Variants in TFB1M observed in about 807,000 individuals in gnomAD.
TFB1M encodes dimethyladenosine transferase 1, mitochondrial.
A neutral mutation model predicts 31.1 loss-of-function variants in TFB1M; 27 were observed. The ratio of observed to expected loss-of-function variants is 0.87; its 90% CI spans 0.64 to 1.20. The LOEUF (loss-of-function observed/expected upper bound fraction) is 1.20. TFB1M is among the 50% of genes most tolerant of loss of function. The pLI is 0.00. For missense variants in TFB1M, 394 were observed against 418.7 expected (o/e 0.94, Z 0.51); for synonymous variants, 166 against 151.8 (o/e 1.09, Z -0.69).
At chr6:155,240,820 G>T in the TFB1M span, 13 of 1,114,264 alleles carry the variant, frequency 1.2e-5, no homozygotes, top group African/African-American at 1.6e-4. Flanking sequence ...ACTCCCCAGG[G>T]GGGGACACCT....
At chr6:155,243,917 G>A in the TFB1M span, 1 of 784,854 alleles carries the variant, frequency 1.3e-6, no homozygotes, top group Non-Finnish European at 2.2e-6. Context: ...CCTGATGGGA[G>A]CCTTGGGAGC....
At position 155,257,761 on chromosome 6, in the gene TFB1M, CAA is replaced by C. The variant is rs1196586110; in HGVS notation, c.*73_*74del. ...CATTTGTATCGTCATTCTGTAAAGA[CAA>C]AAGAGTACCTATATAAGAAGCTCCA... On this transcript the variant is annotated 3_prime_UTR_variant, in exon 7 of 7. Coordinates refer to ENST00000367166, the MANE Select transcript of TFB1M (RefSeq NM_016020.4). The C allele has an allele frequency of 1.9e-6, 3 of 1,575,400 alleles. No individual in the cohort carries two copies. Among genetic ancestry groups the C allele is most frequent in the East Asian group, 2.2e-5 (1 of 44,666 alleles).
chr6:155,231,748 C>T, the TFB1M span, among the ~76,000 whole-genome samples: 1 of 152,360 alleles, frequency 6.6e-6, no homozygotes, highest in Admixed American at 6.5e-5. Flanking sequence ...TCCCACTGTG[C>T]AGTCCAGATG....
chr6:155,252,817 T>G, downstream of TFB1M: 1 of 729,498 alleles, frequency 1.4e-6, no homozygotes, highest in Non-Finnish European at 2.3e-6. Context: ...TTGACTTCTG[T>G]GCCCTGAACA....
At chr6:155,314,193 CG>C in intron 1 of TFB1M, 102 bp downstream of exon 1, 1 of 1,561,752 alleles carries the variant, frequency 6.4e-7, no homozygotes, top group South Asian at 1.2e-5. Context: ...GCCCGTCGCA[CG>C]CCAGTGCCTG....
At chr6:155,295,322 T>C (rs956984698) in intron 4 of TFB1M, among the ~76,000 whole-genome samples, 1 of 151,030 alleles carries the variant, frequency 6.6e-6, no homozygotes, top group Admixed American at 6.6e-5. Context: ...GCCAAGATCG[T>C]GCCACTGCAC....
the TFB1M span, among the ~76,000 whole-genome samples, chr6:155,234,871 A>G: frequency 6.6e-6 from 1 of 152,240 alleles, no homozygotes; most frequent in East Asian, 1.9e-4. Context: ...CCCTGACCAC[A>G]TGGGAGGCAG....
At chr6:155,254,356 G>A (rs549414155), downstream of TFB1M, 351 of 1,577,838 alleles carry the variant, frequency 2.2e-4, 3 homozygotes, top group African/African-American at 4.3e-3. Flanking sequence ...ACAGGCGGGC[G>A]TGGAATGGAA....
chr6:155,300,667 A>G (rs747162639), intron 2 of TFB1M, among the ~76,000 whole-genome samples: 2 of 152,232 alleles, frequency 1.3e-5, no homozygotes, highest in Admixed American at 6.5e-5. Flanking sequence ...CAACAGAACA[A>G]TGTAAATTTG....
At chr6:155,310,514 T>C (rs1280214233) in intron 2 of TFB1M, among the ~76,000 whole-genome samples, 1 of 152,220 alleles carries the variant, frequency 6.6e-6, no homozygotes, top group Non-Finnish European at 1.5e-5. Context: ...CCCCCAACCT[T>C]GGATGTGCTG....
chr6:155,281,145 TTGAC>T (rs1785482349), intron 5 of TFB1M, among the ~76,000 whole-genome samples: 1 of 152,202 alleles, frequency 6.6e-6, no homozygotes, highest in African/African-American at 2.4e-5. Context: ...AACAACTACT[TTGAC>T]TGGCAGCATT....
At chr6:155,279,148 T>C (rs1785365304) in intron 5 of TFB1M, among the ~76,000 whole-genome samples, 1 of 152,102 alleles carries the variant, frequency 6.6e-6, no homozygotes, top group African/African-American at 2.4e-5. Flanking sequence ...TTATCGAATA[T>C]ACTTATTCAT....
chr6:155,307,138 C>CGCACACAT (rs879881101), intron 2 of TFB1M, among the ~76,000 whole-genome samples: 2 of 34,622 alleles, frequency 5.8e-5, no homozygotes, highest in African/African-American at 1.2e-4. Flanking sequence ...CAAACACATA[C>CGCACACAT]ACACACACAC....
the TFB1M span, among the ~76,000 whole-genome samples, chr6:155,245,067 A>G: frequency 6.6e-6 from 1 of 152,188 alleles, no homozygotes; most frequent in Non-Finnish European, 1.5e-5. Flanking sequence ...TGTGAAGGAT[A>G]TCCAAGGTGG....
chr6:155,234,381 G>T, the TFB1M span, among the ~76,000 whole-genome samples: 1 of 152,166 alleles, frequency 6.6e-6, no homozygotes, highest in African/African-American at 2.4e-5. Context: ...TTGAACTCCT[G>T]CCTCAGCATC....
chr6:155,231,972 G>A, the TFB1M span, among the ~76,000 whole-genome samples: 1 of 152,108 alleles, frequency 6.6e-6, no homozygotes, highest in Non-Finnish European at 1.5e-5. Context: ...TCCCAGCTAC[G>A]TGGGAGGCTG....
chr6:155,253,021 C>T (rs138205488), downstream of TFB1M: 15 of 1,614,064 alleles, frequency 9.3e-6, no homozygotes, highest in African/African-American at 1.9e-4. Flanking sequence ...ATCCCCATCT[C>T]CGCGCTTCAA....
chr6:155,269,614 G>A (rs1190976158), intron 5 of TFB1M, among the ~76,000 whole-genome samples: 4 of 152,034 alleles, frequency 2.6e-5, no homozygotes, highest in African/African-American at 9.7e-5. Flanking sequence ...GAGCCACCAC[G>A]CCCGGCCAGT....
chr6:155,305,328 TTA>T lies in TFB1M; in HGVS notation c.285+5858_285+5859del, dbSNP rs1314743098. ...TATAAACATATATTAAATTATATAT[TTA>T]TATATATAAATATATATTAAATTGT... On this transcript the variant is annotated intron_variant, in intron 2 of 6. Coordinates refer to ENST00000367166, the MANE Select transcript of TFB1M (RefSeq NM_016020.4). Among the ~76,000 whole-genome samples, 11 of 35,348 alleles carry T rather than the reference TTA, an allele frequency of 3.1e-4. 4 individuals are homozygous for T. The highest frequency in any genetic ancestry group is 4.0e-4 in the Non-Finnish European group (9 of 22,310). The allele number at this position is 35,348 out of a possible 152,430, so 23.2% of individuals were successfully genotyped here. A position where few individuals can be genotyped will look rare whatever the true frequency, so the allele number is the denominator to read the frequency against.
Sources: gnomAD v4.1 joint callset for allele counts (sites outside exome capture counted in the v4.1 genomes callset) on GRCh38, gnomAD v4.1.1 for gene constraint, MANE v1.5 for transcripts, NCBI Gene and HGNC (gene_info 2026-07-23, HGNC 2026-07-21) for gene names.